The following ENOX1 variants were observed in gnomAD, a reference collection of about 807,000 sequenced individuals.
ENOX1 encodes ecto-NOX disulfide-thiol exchanger 1, also known as candidate growth-related and time keeping constitutive hydroquinone (NADH) oxidase.
ENOX1 carries 42 observed loss-of-function variants against 82.5 expected under a neutral mutation model. The observed-to-expected ratio is 0.51, with a 90% CI of 0.40 to 0.66. The LOEUF (loss-of-function observed/expected upper bound fraction) is 0.66. Ranked by LOEUF, ENOX1 falls within the 30% of genes least tolerant of loss-of-function variation. ENOX1 has a pLI of 0.00. For missense variants in ENOX1, 608 were observed against 811.6 expected (o/e 0.75, Z 3.05); for synonymous variants, 271 against 282.2 (o/e 0.96, Z 0.40).
At chr13:43,705,178 C>T (rs1369324875) in intron 1 of ENOX1, among the ~76,000 whole-genome samples, 1 of 151,510 alleles carries the variant, frequency 6.6e-6, no homozygotes, top group Non-Finnish European at 1.5e-5. Context: ...AAATTGCACA[C>T]TTAAAAACAA....
At chr13:43,526,490 A>G (rs1407352360) in intron 2 of ENOX1, among the ~76,000 whole-genome samples, 1 of 151,894 alleles carries the variant, frequency 6.6e-6, no homozygotes, top group South Asian at 2.1e-4. Context: ...TAAAATACTG[A>G]AAAAAAATAA....
At chr13:43,612,984 G>C (rs9533551) in intron 2 of ENOX1, among the ~76,000 whole-genome samples, 34,286 of 151,982 alleles carry the variant, frequency 0.23, 4,233 homozygotes, top group Non-Finnish European at 0.29. Flanking sequence ...TTTGATATTT[G>C]ATGATGGCAT....
intron 3 of ENOX1, among the ~76,000 whole-genome samples, chr13:43,478,573 A>T (rs760759019): frequency 7.2e-5 from 11 of 152,176 alleles, no homozygotes; most frequent in Non-Finnish European, 1.5e-5. Flanking sequence ...TATTTTTTCT[A>T]TTCCCATAAA....
intron 3 of ENOX1, among the ~76,000 whole-genome samples, chr13:43,470,226 ATGTG>A (rs373417287): frequency 2.1e-4 from 12 of 57,768 alleles, no homozygotes; most frequent in South Asian, 7.9e-4. Context: ...ATGTGTGTGT[ATGTG>A]TGTGTGTGTA....
At chr13:43,737,722 T>C (rs1196146356) in intron 1 of ENOX1, among the ~76,000 whole-genome samples, 1 of 152,220 alleles carries the variant, frequency 6.6e-6, no homozygotes, top group Admixed American at 6.5e-5. Context: ...GTTAAAGATC[T>C]GGTATCCACA....
At chr13:43,245,841 C>T (rs894035067) in intron 14 of ENOX1, among the ~76,000 whole-genome samples, 1 of 152,186 alleles carries the variant, frequency 6.6e-6, no homozygotes, top group African/African-American at 2.4e-5. Flanking sequence ...TGAGATGTTC[C>T]ACCTTATTGG....
intron 2 of ENOX1, among the ~76,000 whole-genome samples, chr13:43,631,310 G>A (rs781082061): frequency 3.9e-5 from 6 of 152,078 alleles, no homozygotes; most frequent in Non-Finnish European, 5.9e-5. Context: ...TCTGGGTTAG[G>A]GCCAAATTCA....
intron 1 of ENOX1, among the ~76,000 whole-genome samples, chr13:43,699,796 C>T (rs951428092): frequency 6.6e-6 from 1 of 152,064 alleles, no homozygotes; most frequent in Non-Finnish European, 1.5e-5. Context: ...ACTTATTTGG[C>T]TTATTTTCTC....
intron 5 of ENOX1, among the ~76,000 whole-genome samples, chr13:43,401,375 G>A (rs1389504643): frequency 2.0e-5 from 3 of 152,154 alleles, no homozygotes; most frequent in African/African-American, 7.2e-5. Context: ...AGTGATCATT[G>A]AGAGACGGGA....
chr13:43,399,046 G>A (rs904195655), intron 5 of ENOX1, among the ~76,000 whole-genome samples: 3 of 151,338 alleles, frequency 2.0e-5, no homozygotes, highest in Non-Finnish European at 4.4e-5. Context: ...CACCTGTCTC[G>A]GCCTCCCAAA....
chr13:43,441,810 G>A (rs866865327), intron 3 of ENOX1, among the ~76,000 whole-genome samples: 5 of 92,772 alleles, frequency 5.4e-5, no homozygotes, highest in East Asian at 4.1e-4. Context: ...TTTCTCCTTC[G>A]ATTTTTTTTT....
chr13:43,764,900 C>T (rs1339070474), intron 1 of ENOX1, among the ~76,000 whole-genome samples: 1 of 152,174 alleles, frequency 6.6e-6, no homozygotes, highest in Non-Finnish European at 1.5e-5. Context: ...GCCAAATATA[C>T]ATAATCTGTG....
At chr13:43,355,877 G>A in intron 8 of ENOX1, 42 bp downstream of exon 8, 2 of 1,565,258 alleles carry the variant, frequency 1.3e-6, no homozygotes, top group Non-Finnish European at 1.7e-6. Context: ...CGTGTCTGGG[G>A]ATCCCTGTGG....
At chr13:43,370,125 T>C (rs569572840) in intron 5 of ENOX1, among the ~76,000 whole-genome samples, 12 of 152,322 alleles carry the variant, frequency 7.9e-5, no homozygotes, top group Admixed American at 3.9e-4. Context: ...CCCAGCACTT[T>C]GGGAGGCTGA....
chr13:43,763,480 C>T (rs115127768), intron 1 of ENOX1, among the ~76,000 whole-genome samples: 2,057 of 152,296 alleles, frequency 0.014, 34 homozygotes, highest in African/African-American at 0.041. Flanking sequence ...CACACACATT[C>T]AGTCTATAGC....
In ENOX1 at chr13:43,623,351, C is replaced by A. The variant is rs9533557; in HGVS notation, c.-219+44128G>T. Among the ~76,000 whole-genome samples, 7 of 151,982 alleles carry A rather than the reference C, an allele frequency of 4.6e-5. No individual in the cohort carries two copies. In the East Asian group the frequency reaches 5.8e-4, roughly 13 times the overall value. The stretch of plus-strand genomic sequence containing the variant: ...CCCTGTGTGGTTTTACCCCCTGCTC[C>A]TCTCCTGTTGGATCCCCATGGTGCC... On this transcript the variant is annotated intron_variant, in intron 2 of 16. Coordinates refer to ENST00000690772, the MANE Select transcript of ENOX1 (RefSeq NM_001347969.2).
chr13:43,304,887 C>T (rs1333028481), intron 11 of ENOX1, among the ~76,000 whole-genome samples: 2 of 152,216 alleles, frequency 1.3e-5, no homozygotes, highest in Admixed American at 6.5e-5. Flanking sequence ...TGAGACTATT[C>T]ACCCCATCCA....
chr13:43,278,048 G>A (rs77061799), intron 12 of ENOX1, among the ~76,000 whole-genome samples: 2,070 of 152,168 alleles, frequency 0.014, 26 homozygotes, highest in East Asian at 0.052. Flanking sequence ...TAAAACTAAA[G>A]GTGTATCCAT....
chr13:43,649,464 T>C (rs1187819688), intron 2 of ENOX1, among the ~76,000 whole-genome samples: 1 of 152,188 alleles, frequency 6.6e-6, no homozygotes, highest in Non-Finnish European at 1.5e-5. Flanking sequence ...GTTGTATATG[T>C]TAATATAATG....
Sources: allele counts gnomAD v4.1 joint callset (sites outside exome capture counted in the v4.1 genomes callset), GRCh38; gene constraint gnomAD v4.1.1; transcripts MANE v1.5; gene names NCBI Gene and HGNC (gene_info 2026-07-23, HGNC 2026-07-21).